Variants in ZFP36L1 observed in about 807,000 individuals in gnomAD.
ZFP36L1 encodes the protein mRNA decay activator protein ZFP36L1.
ZFP36L1 carries 4 observed loss-of-function variants against 16.7 expected under a neutral mutation model. That is an observed-to-expected ratio of 0.24 (90% confidence interval 0.12 to 0.55). The LOEUF (loss-of-function observed/expected upper bound fraction) is 0.55, where lower values mean the gene tolerates loss of function less well. Ranked by LOEUF, ZFP36L1 falls within the 20% of genes least tolerant of loss-of-function variation. ZFP36L1 has a pLI of 0.94. For missense variants in ZFP36L1, 311 were observed against 449.2 expected (o/e 0.69, Z 2.78); for synonymous variants, 220 against 190.8 (o/e 1.15, Z -1.26).
At chr14:68,793,608 G>A (rs1188455813), upstream of ZFP36L1, 4 of 985,880 alleles carry the variant, frequency 4.1e-6, no homozygotes, top group South Asian at 4.7e-5. Context: ...ATCTTGAGCT[G>A]GCGGTCTCCT....
At chr14:68,795,685 G>T (rs35278835), upstream of ZFP36L1, 1 of 471,826 alleles carries the variant, frequency 2.1e-6, no homozygotes. Flanking sequence ...GACTGGCCTA[G>T]CCCGCTCGCT....
At chr14:68,792,353 G>A (rs1895104814) in intron 1 of ZFP36L1, among the ~76,000 whole-genome samples, 1 of 152,276 alleles carries the variant, frequency 6.6e-6, no homozygotes, top group African/African-American at 2.4e-5. Context: ...AACTTGTTCT[G>A]CAACATCTTT....
intron 1 of ZFP36L1, among the ~76,000 whole-genome samples, chr14:68,791,864 G>A (rs1274771132): frequency 1.3e-5 from 2 of 152,312 alleles, no homozygotes; most frequent in East Asian, 3.9e-4. Flanking sequence ...GCCCTGGGGC[G>A]TTGGCAGCTG....
At chr14:68,791,902 A>G (rs546719092) in intron 1 of ZFP36L1, among the ~76,000 whole-genome samples, 1 of 152,152 alleles carries the variant, frequency 6.6e-6, no homozygotes, top group Admixed American at 6.5e-5. Flanking sequence ...AGCTGGGAAA[A>G]CAGAGCAACA....
chr14:68,791,644 A>T (rs1026625489), intron 1 of ZFP36L1, among the ~76,000 whole-genome samples: 1 of 149,736 alleles, frequency 6.7e-6, no homozygotes, highest in Non-Finnish European at 1.5e-5. Context: ...AGGTTCATTT[A>T]AAAAGTCGTG....
At position 68,790,039 on chromosome 14, in the gene ZFP36L1, G is replaced by A. The variant is rs2140209294; in HGVS notation, c.511C>T (p.Pro171Ser). Residue 171 changes from proline (P) to serine (S), a missense_variant, in exon 2 of 2, where the codon CCC (proline) becomes TCC (serine). This residue lies in a region of ZFP36L1 where 24 missense variants were observed against 88.8 expected (regional missense o/e 0.27). Transcript: ENST00000439696. ...FHTIGFCPYG[P>S]RCHFIHNAEE... is the part of the protein sequence containing the mutation. ...GCGTTGTGGATGAAGTGGCAGCGGG[G>A]CCCGTAGGGGCAAAAGCCGATGGTG... The A allele has an allele frequency of 6.2e-7, 1 of 1,610,100 alleles. No homozygotes were observed. The highest frequency in any genetic ancestry group is 8.5e-7 in the Non-Finnish European group (1 of 1,178,496).
Position 68,789,817 on chromosome 14 carries a change from C to A in ZFP36L1, c.733G>T (p.Asp245Tyr). The change falls in exon 2 of 2, where the codon GAT becomes TAT. Residue 245 changes from aspartate (D) to tyrosine (Y), a missense_variant. Asp to Tyr is a radical substitution (Grantham distance 160). This residue lies in a region of ZFP36L1 where 147 missense variants were observed against 192.0 expected (regional missense o/e 0.77). Transcript: ENST00000439696. The surrounding 1 kb of genome is among the most constrained non-coding windows in gnomAD (Gnocchi z 4.5). Reference protein sequence around the residue: ...DDLLGSPTLPDGTNNPFAFSS... With the variant: ...DDLLGSPTLPYGTNNPFAFSS... ...AAGGCAAAAGGGTTATTGGTGCCAT[C>A]GGGCAGGGTAGGTGAGCCCAGGAGG... is the stretch of plus-strand genomic sequence containing the variant. The A allele has an allele frequency of 1.2e-6, 2 of 1,612,550 alleles. No homozygotes were observed. Among genetic ancestry groups the A allele is most frequent in the Non-Finnish European group, 8.5e-7 (1 of 1,179,996 alleles).
At chr14:68,791,327 AAAGC>A in intron 1 of ZFP36L1, 1 of 501,050 alleles carries the variant, frequency 2.0e-6, no homozygotes, top group Non-Finnish European at 3.5e-6. Context: ...AAGGAAAAGG[AAAGC>A]ACCAACCCCC....
In ZFP36L1 at chr14:68,789,341, A is replaced by T; in HGVS notation, c.*192T>A. ...GCCAGAAGAAGCTACTGACAAATTG[A>T]CTTGTCCTTATGTTAGGTGGGGTTA... On this transcript the variant is annotated 3_prime_UTR_variant, in exon 2 of 2. Coordinates refer to ENST00000439696, the MANE Select transcript of ZFP36L1 (RefSeq NM_004926.4). The surrounding 1 kb of genome is among the most constrained non-coding windows in gnomAD (Gnocchi z 4.5). The T allele has an allele frequency of 1.3e-6, 1 of 754,544 alleles. No individual in the cohort carries two copies. The highest frequency in any genetic ancestry group is 2.0e-6 in the Non-Finnish European group (1 of 490,734). 46.7% of individuals were successfully genotyped at this position (754,544 alleles called of 1,614,324 possible). A position where few individuals can be genotyped will look rare whatever the true frequency, so the allele number is the denominator to read the frequency against.
chr14:68,795,738 G>C (rs1390986795), upstream of ZFP36L1: 1 of 525,378 alleles, frequency 1.9e-6, no homozygotes, highest in Non-Finnish European at 3.9e-6. Flanking sequence ...GTTTGTTCCA[G>C]CTCCCAGAGC....
At chr14:68,795,388 G>A (rs1054755847), upstream of ZFP36L1, among the ~76,000 whole-genome samples, 3 of 151,656 alleles carry the variant, frequency 2.0e-5, no homozygotes, top group Non-Finnish European at 4.4e-5. Flanking sequence ...GGGGGGACCG[G>A]AGGAGGGGCT....
At chr14:68,793,611 G>T, upstream of ZFP36L1, 1 of 985,930 alleles carries the variant, frequency 1.0e-6, no homozygotes, top group Non-Finnish European at 1.2e-6. Context: ...TTGAGCTGGC[G>T]GTCTCCTTGA....
At chr14:68,792,454 G>A (rs1333619789) in intron 1 of ZFP36L1, among the ~76,000 whole-genome samples, 4 of 152,268 alleles carry the variant, frequency 2.6e-5, no homozygotes, top group African/African-American at 7.2e-5. Flanking sequence ...ACTTCCCCGA[G>A]GGACCTCCCA....
In ZFP36L1 at chr14:68,789,371, G is replaced by C; in HGVS notation, c.*162C>G. The C allele has an allele frequency of 9.5e-7, 1 of 1,048,888 alleles. No homozygotes were observed. The highest frequency in any genetic ancestry group is 2.5e-5 in the East Asian group (1 of 40,302). 65.0% of individuals were successfully genotyped at this position (1,048,888 alleles called of 1,614,324 possible). A position where few individuals can be genotyped will look rare whatever the true frequency, so the allele number is the denominator to read the frequency against. On this transcript the variant is annotated 3_prime_UTR_variant, in exon 2 of 2. Transcript: ENST00000439696. The surrounding 1 kb of genome is among the most constrained non-coding windows in gnomAD (Gnocchi z 4.5). ...TCCTTATGTTAGGTGGGGTTATGAG[G>C]GGGAGAGGGAGGGCACATTCTGAGG...
At chr14:68,792,710 T>C (rs2140212507) in intron 1 of ZFP36L1, among the ~76,000 whole-genome samples, 172 bp downstream of exon 1, 1 of 152,112 alleles carries the variant, frequency 6.6e-6, no homozygotes, top group East Asian at 1.9e-4. Context: ...ACTCAAAGGG[T>C]GGGAAGGACG....
Position 68,790,260 on chromosome 14 carries a change from C to G in ZFP36L1, c.290G>C (p.Arg97Pro). The G allele has an allele frequency of 6.2e-7, 1 of 1,610,924 alleles. No homozygotes were observed. The highest frequency in any genetic ancestry group is 1.1e-5 in the South Asian group (1 of 91,064). ...RDRSFSEGGERLLPTQKQPGG... is the reference protein window; with the variant it reads ...RDRSFSEGGEPLLPTQKQPGG... Reference sequence around the variant, plus strand: ...GGGCTGCTTCTGGGTGGGCAGCAGCCGCTCGCCCCCTTCCGAGAAGGAGCG... The same window carrying G: ...GGGCTGCTTCTGGGTGGGCAGCAGCGGCTCGCCCCCTTCCGAGAAGGAGCG... Residue 97 changes from arginine to proline, a missense_variant, in exon 2 of 2, where the codon CGG (arginine) becomes CCG (proline). By Grantham distance (103) the Arg-to-Pro change is moderately radical. Coordinates refer to ENST00000439696, the MANE Select transcript of ZFP36L1 (RefSeq NM_004926.4).
upstream of ZFP36L1, chr14:68,795,985 G>A: frequency 7.6e-7 from 1 of 1,322,346 alleles, no homozygotes; most frequent in Non-Finnish European, 1.0e-6. Flanking sequence ...GCCGAGGCGA[G>A]GCGTGCGTGG....
At chr14:68,796,026 G>A, upstream of ZFP36L1, 1 of 1,325,958 alleles carries the variant, frequency 7.5e-7, no homozygotes. Context: ...GGTGCATTCC[G>A]CCCTCCCGCT....
At chr14:68,794,291 T>C (rs1895191265), upstream of ZFP36L1, 1 of 152,236 alleles carries the variant, frequency 6.6e-6, no homozygotes, top group South Asian at 2.1e-4. Flanking sequence ...GTGGAACATA[T>C]GGCTTGTCAC....
Sources: gnomAD v4.1 joint callset for allele counts (sites outside exome capture counted in the v4.1 genomes callset) on GRCh38, gnomAD v4.1.1 for gene constraint, gnomAD v4.1.1 regional missense constraint, Gnocchi (gnomAD v3.1) non-coding constraint, MANE v1.5 for transcripts, NCBI Gene and HGNC (gene_info 2026-07-23, HGNC 2026-07-21) for gene names.